Variants in CSGALNACT2 observed in about 807,000 individuals in gnomAD.
CSGALNACT2 encodes beta 4 GalNAcT-2.
A neutral mutation model predicts 55.3 loss-of-function variants in CSGALNACT2; 35 were observed. The observed-to-expected ratio is 0.63, with a 90% CI of 0.48 to 0.84. The LOEUF is 0.84. Among genes scored for constraint, CSGALNACT2 ranks in the 40% least tolerant of loss-of-function variants. The pLI, the probability that CSGALNACT2 is intolerant of heterozygous loss-of-function variation, is 0.00. For synonymous variants in CSGALNACT2, 196 were observed against 224.9 expected (o/e 0.87, Z 1.15); for missense variants, 544 against 657.5 (o/e 0.83, Z 1.89).
chr10:43,159,995 G>A lies in CSGALNACT2; in HGVS notation c.879-499G>A, dbSNP rs192703993. On this transcript the variant is annotated intron_variant, in intron 3 of 7. Coordinates refer to ENST00000374466, the MANE Select transcript of CSGALNACT2 (RefSeq NM_018590.5). The stretch of plus-strand genomic sequence containing the variant: ...TTACTGTTCCAAATAGCTCACTTGA[G>A]ATCCGATTTCCTAAAGCATTTTTTT... Among the ~76,000 whole-genome samples, 14 of 152,292 alleles carry A rather than the reference G, an allele frequency of 9.2e-5. No homozygotes were observed. The East Asian group carries it at 2.7e-3, about 29-fold the overall frequency.
At chr10:43,162,940 C>G in intron 4 of CSGALNACT2, 1 of 985,384 alleles carries the variant, frequency 1.0e-6, no homozygotes, top group Non-Finnish European at 1.2e-6. Context: ...ATTTCTTTAA[C>G]CTTGCATGGG....
At position 43,164,083 on chromosome 10, in the gene CSGALNACT2, T is replaced by C. The variant is rs764932504; in HGVS notation, c.1159+39T>C. On this transcript the variant is annotated intron_variant, in intron 5 of 7. Transcript: ENST00000374466. ...TGGTAGATGAGCTGACTATAGAATT[T>C]AGAACGTTGTCAGCATGTCCTATAG... 13 of 1,550,714 alleles carry C rather than the reference T, an allele frequency of 8.4e-6. 1 individual carries two copies. In the Admixed American group the frequency reaches 1.8e-4, roughly 21 times the overall value.
At chr10:43,178,212 G>A (rs1473130506) in intron 7 of CSGALNACT2, among the ~76,000 whole-genome samples, 1 of 152,114 alleles carries the variant, frequency 6.6e-6, no homozygotes, top group Non-Finnish European at 1.5e-5. Context: ...TTGGATCCAG[G>A]ATACCATGTG....
intron 6 of CSGALNACT2, among the ~76,000 whole-genome samples, chr10:43,172,850 T>C (rs1023432791): frequency 1.3e-5 from 2 of 152,218 alleles, no homozygotes; most frequent in African/African-American, 4.8e-5. Flanking sequence ...GTTTCTGAGA[T>C]GAAGCTGAGC....
intron 1 of CSGALNACT2, among the ~76,000 whole-genome samples, chr10:43,144,337 T>C (rs1838696094): frequency 6.6e-6 from 1 of 152,202 alleles, no homozygotes; most frequent in Non-Finnish European, 1.5e-5. Context: ...TAAAAACTCC[T>C]TAAGGGTCTT....
chr10:43,164,995 G>C (rs916060843), intron 5 of CSGALNACT2, among the ~76,000 whole-genome samples: 1 of 151,860 alleles, frequency 6.6e-6, no homozygotes, highest in Non-Finnish European at 1.5e-5. Context: ...AGGCCGAGGC[G>C]GGCGGATCAC....
Position 43,155,347 on chromosome 10 carries a change from A to G in CSGALNACT2, c.198A>G (p.Glu66=), listed in dbSNP as rs1356653189. ...AAGCCCTCCTACAGGAACAAGAAGA[A>G]CATTATCAGACCAGGGCAACCAGTC... is the stretch of plus-strand genomic sequence containing the variant. ...YYQALLQEQE[E]HYQTRATSLK... Residue 66 remains glutamate, a synonymous_variant, in exon 2 of 8, where the codon GAA becomes GAG. Transcript: ENST00000374466. The G allele has an allele frequency of 1.2e-6, 2 of 1,614,082 alleles. No individual in the cohort carries two copies. The highest frequency in any genetic ancestry group is 2.7e-5 in the African/African-American group (2 of 74,918).
chr10:43,181,044 G>T (rs953610178), intron 7 of CSGALNACT2, among the ~76,000 whole-genome samples: 2 of 152,164 alleles, frequency 1.3e-5, no homozygotes, highest in Non-Finnish European at 2.9e-5. Context: ...ACTGCTGGAC[G>T]CATTAAGAGA....
At chr10:43,143,721 C>G (rs1376373418) in intron 1 of CSGALNACT2, among the ~76,000 whole-genome samples, 1 of 152,128 alleles carries the variant, frequency 6.6e-6, no homozygotes, top group Non-Finnish European at 1.5e-5. Context: ...GCACATTTTT[C>G]TCCTTTGTCT....
At chr10:43,181,304 G>T (rs1478501915) in intron 7 of CSGALNACT2, among the ~76,000 whole-genome samples, 2 of 152,190 alleles carry the variant, frequency 1.3e-5, no homozygotes, top group Non-Finnish European at 2.9e-5. Context: ...AGTTTTGAGG[G>T]CAGTGGTTTA....
chr10:43,169,296 C>A (rs979105766), intron 6 of CSGALNACT2, among the ~76,000 whole-genome samples: 1 of 152,072 alleles, frequency 6.6e-6, no homozygotes. Context: ...CCAAGACTAA[C>A]CAAACATTTG....
At chr10:43,141,777 G>A (rs900411434) in intron 1 of CSGALNACT2, among the ~76,000 whole-genome samples, 11 of 152,220 alleles carry the variant, frequency 7.2e-5, no homozygotes, top group Admixed American at 2.6e-4. Flanking sequence ...AACAGAGATC[G>A]CGAAGGTAGG....
chr10:43,170,827 C>A (rs993443063), intron 6 of CSGALNACT2, among the ~76,000 whole-genome samples: 4 of 152,194 alleles, frequency 2.6e-5, no homozygotes, highest in Non-Finnish European at 1.5e-5. Context: ...CTTTAGCTCA[C>A]AGTCCTCTTC....
chr10:43,164,027 G>T lies in CSGALNACT2; in HGVS notation c.1142G>T (p.Arg381Leu). ...TCAGCCGAATTCCTTAACAGCTGCC[G>T]GTTAAATGCTGAGCCAGGTGCGTAA... is the stretch of plus-strand genomic sequence containing the variant. ...YFSAEFLNSC[R>L]LNAEPGKKVF... The change falls in exon 5 of 8, where the codon CGG (arginine) becomes CTG (leucine). Residue 381 changes from arginine to leucine, a missense_variant. Arg to Leu is a moderately radical substitution (Grantham distance 102). Coordinates refer to ENST00000374466, the MANE Select transcript of CSGALNACT2 (RefSeq NM_018590.5). 6.2e-7 allele frequency: 1 copy of T among 1,613,014 alleles called. No individual in the cohort carries two copies. The highest frequency in any genetic ancestry group is 8.5e-7 in the Non-Finnish European group (1 of 1,179,426).
intron 1 of CSGALNACT2, among the ~76,000 whole-genome samples, chr10:43,153,443 G>T (rs563718794): frequency 5.9e-5 from 9 of 151,612 alleles, no homozygotes; most frequent in Non-Finnish European, 1.3e-4. Flanking sequence ...CATTATTTGT[G>T]GTATATTGGC....
chr10:43,142,419 G>T (rs921765702), intron 1 of CSGALNACT2, among the ~76,000 whole-genome samples: 1 of 152,094 alleles, frequency 6.6e-6, no homozygotes, highest in Non-Finnish European at 1.5e-5. Flanking sequence ...CCTCAGGCTG[G>T]TCTTGAACTC....
At chr10:43,180,425 T>G (rs908158105) in intron 7 of CSGALNACT2, among the ~76,000 whole-genome samples, 95 of 152,354 alleles carry the variant, frequency 6.2e-4, no homozygotes, top group Non-Finnish European at 6.5e-4. Flanking sequence ...ATTCATTTAT[T>G]TCGCAGTGTT....
At chr10:43,141,624 C>CAAAAAAAA (rs58889701) in intron 1 of CSGALNACT2, among the ~76,000 whole-genome samples, 1 of 68,902 alleles carries the variant, frequency 1.5e-5, no homozygotes, top group African/African-American at 6.0e-5. Context: ...GAAACTGTCT[C>CAAAAAAAA]AAAAAAAAAA....
At chr10:43,142,273 G>A (rs1053034542) in intron 1 of CSGALNACT2, among the ~76,000 whole-genome samples, 3 of 151,856 alleles carry the variant, frequency 2.0e-5, no homozygotes, top group African/African-American at 7.3e-5. Flanking sequence ...GTGCAGTGGC[G>A]TGATCTTGGC....
Sources: gnomAD v4.1 joint callset for allele counts (sites outside exome capture counted in the v4.1 genomes callset) on GRCh38, gnomAD v4.1.1 for gene constraint, MANE v1.5 for transcripts, NCBI Gene and HGNC (gene_info 2026-07-23, HGNC 2026-07-21) for gene names.